ROCK2: variants seen among roughly 807,000 people sequenced by gnomAD.
ROCK2 encodes Rho associated coiled-coil containing protein kinase 2.
ROCK2 carries 61 observed loss-of-function variants against 195.1 expected under a neutral mutation model. The observed-to-expected ratio is 0.31, with a 90% CI of 0.25 to 0.39. The LOEUF is 0.39. ROCK2 is among the 10% of genes least tolerant of loss of function. The pLI, the probability that ROCK2 is intolerant of heterozygous loss-of-function variation, is 1.00. For synonymous variants in ROCK2, 504 were observed against 545.5 expected (o/e 0.92, Z 1.06); for missense variants, 1,109 against 1,637.4 (o/e 0.68, Z 5.57).
At chr2:11,186,105 C>T (rs1037523077) in intron 32 of ROCK2, among the ~76,000 whole-genome samples, 13 of 152,220 alleles carry the variant, frequency 8.5e-5, no homozygotes, top group East Asian at 7.7e-4. Flanking sequence ...AAAATAAACA[C>T]AGCGACTCAA....
chr2:11,279,515 G>C (rs1666931818), intron 3 of ROCK2, among the ~76,000 whole-genome samples: 1 of 152,196 alleles, frequency 6.6e-6, no homozygotes, highest in Non-Finnish European at 1.5e-5. Flanking sequence ...TATCAACAGA[G>C]TGTCAAATTA....
chr2:11,227,635 A>G (rs1159238419), intron 5 of ROCK2, among the ~76,000 whole-genome samples: 1 of 152,236 alleles, frequency 6.6e-6, no homozygotes, highest in Non-Finnish European at 1.5e-5. Context: ...AGGCTTCCTC[A>G]ATGAAAGAAG....
chr2:11,275,693 AT>A (rs1558350455), intron 3 of ROCK2, among the ~76,000 whole-genome samples: 2 of 139,910 alleles, frequency 1.4e-5, no homozygotes, highest in East Asian at 4.2e-4. Flanking sequence ...AAATTCAACA[AT>A]CTTTTTTTTT....
intron 20 of ROCK2, among the ~76,000 whole-genome samples, chr2:11,202,563 T>C (rs1663898594): frequency 6.6e-6 from 1 of 151,962 alleles, no homozygotes; most frequent in African/African-American, 2.4e-5. Context: ...AGTGGTGCGA[T>C]CTGGGCTCAC....
At chr2:11,296,017 A>AGAGGG (rs1558370006) in intron 1 of ROCK2, among the ~76,000 whole-genome samples, 5 of 119,100 alleles carry the variant, frequency 4.2e-5, no homozygotes, top group African/African-American at 9.2e-5. Context: ...AGAGAGAGAG[A>AGAGGG]GAGAGAGAGA....
At chr2:11,193,428 T>C (rs1663508969) in intron 30 of ROCK2, among the ~76,000 whole-genome samples, 1 of 152,138 alleles carries the variant, frequency 6.6e-6, no homozygotes, top group Non-Finnish European at 1.5e-5. Context: ...CTGACTTTTC[T>C]AACTTTCTAG....
rs1467999167 is a variant in ROCK2, at chr2:11,344,326, A to AGCCCG, written c.-195_-191dup. The AGCCCG allele has an allele frequency of 1.6e-4, 184 of 1,166,876 alleles. No homozygotes were observed. Among genetic ancestry groups the AGCCCG allele is most frequent in the South Asian group, 1.2e-3 (27 of 22,578 alleles). The allele number at this position is 1,166,876 out of a possible 1,614,324, so 72.3% of individuals were successfully genotyped here. On this transcript the variant is annotated 5_prime_UTR_variant, in exon 1 of 33. Coordinates refer to ENST00000315872, the MANE Select transcript of ROCK2 (RefSeq NM_004850.5). This position sits in a 1 kb window ranked among gnomAD's most constrained non-coding sequence, Gnocchi z 5.4. ...CTGCTCCCAGGGGCCCGCCCGGCCC[A>AGCCCG]GCCCGGCCCAGCCCGGCCCGGCCCT...
intron 3 of ROCK2, among the ~76,000 whole-genome samples, chr2:11,277,528 T>C (rs934230393): frequency 8.5e-5 from 13 of 152,334 alleles, no homozygotes; most frequent in African/African-American, 2.9e-4. Context: ...ATCATTCTTA[T>C]GCCTTTGCGT....
chr2:11,308,117 G>A (rs1667920924), intron 1 of ROCK2: 8 of 1,611,272 alleles, frequency 5.0e-6, no homozygotes, highest in South Asian at 4.4e-5. Context: ...TGGTGGAGGC[G>A]ATAGACAAGT....
At chr2:11,224,596 A>T (rs538499285) in intron 6 of ROCK2, 136 bp from the exon 7 acceptor site, 2 of 733,912 alleles carry the variant, frequency 2.7e-6, no homozygotes, top group Non-Finnish European at 4.6e-6. Flanking sequence ...ACAGAGTCCC[A>T]GTCAAAACAA....
In ROCK2 at chr2:11,238,207, A is replaced by AGTGTGTGTGTGTGTGT. The variant is rs764814189; in HGVS notation, c.463-2246_463-2245insACACACACACACACAC. 4.4e-4 allele frequency among the ~76,000 whole-genome samples: 16 copies of AGTGTGTGTGTGTGTGT among 36,068 alleles called. No homozygotes were observed. In the East Asian group the frequency reaches 0.027, roughly 62 times the overall value. 23.7% of individuals were successfully genotyped at this position (36,068 alleles called of 152,430 possible). A position where few individuals can be genotyped will look rare whatever the true frequency, so the allele number is the denominator to read the frequency against. ...ATAAGGCTGGTTACCAAATTGAGAA[A>AGTGTGTGTGTGTGTGT]GAGTGTGTGTGTGTGTGTGTGTGTG... is the stretch of plus-strand genomic sequence containing the variant. On this transcript the variant is annotated intron_variant, in intron 4 of 32. Coordinates refer to ENST00000315872, the MANE Select transcript of ROCK2 (RefSeq NM_004850.5).
At position 11,183,467 on chromosome 2, in the gene ROCK2, G is replaced by GT. The variant is rs1351702092; in HGVS notation, c.4164-28dup. 5 of 1,533,886 alleles carry GT rather than the reference G, an allele frequency of 3.3e-6. No homozygotes were observed. In the African/African-American group the frequency reaches 4.1e-5, roughly 13 times the overall value. On this transcript the variant is annotated intron_variant, in intron 32 of 32. Transcript: ENST00000315872. Reference sequence around the variant, plus strand: ...TGAAAAGAAAGGAAAAATAAAGTTAGTTGATACAGTGAAATAATTTAAGAG... The same window carrying GT: ...TGAAAAGAAAGGAAAAATAAAGTTAGTTTGATACAGTGAAATAATTTAAGAG...
At chr2:11,212,462 C>T (rs936538203) in intron 17 of ROCK2, among the ~76,000 whole-genome samples, 1 of 151,908 alleles carries the variant, frequency 6.6e-6, no homozygotes, top group African/African-American at 2.4e-5. Flanking sequence ...ACTCACTGCC[C>T]CCCTTAAAAC....
intron 18 of ROCK2, among the ~76,000 whole-genome samples, chr2:11,209,769 A>G (rs1664184247): frequency 6.6e-6 from 1 of 152,186 alleles, no homozygotes; most frequent in Admixed American, 6.5e-5. Flanking sequence ...ATCATCTATT[A>G]TAAAGTTGTA....
chr2:11,232,124 A>G (rs1319825120), intron 5 of ROCK2, among the ~76,000 whole-genome samples: 5 of 136,868 alleles, frequency 3.7e-5, no homozygotes, highest in Non-Finnish European at 6.6e-5. Context: ...AAAACTATGG[A>G]CATTTCTTTT....
intron 1 of ROCK2, among the ~76,000 whole-genome samples, chr2:11,333,660 A>G (rs1263668387): frequency 6.6e-6 from 1 of 152,194 alleles, no homozygotes; most frequent in Non-Finnish European, 1.5e-5. Flanking sequence ...CCTGTCAAAA[A>G]AATCTCATGC....
intron 1 of ROCK2, among the ~76,000 whole-genome samples, chr2:11,318,862 T>G (rs560942796): frequency 6.6e-6 from 1 of 152,354 alleles, no homozygotes; most frequent in South Asian, 2.1e-4. Context: ...GAATAGGGAA[T>G]CCCTTCCCCA....
At chr2:11,209,298 G>A (rs1664169382) in intron 18 of ROCK2, among the ~76,000 whole-genome samples, 1 of 152,262 alleles carries the variant, frequency 6.6e-6, no homozygotes, top group African/African-American at 2.4e-5. Flanking sequence ...CACCTCTCTG[G>A]ACCTGTTTCC....
intron 1 of ROCK2, among the ~76,000 whole-genome samples, chr2:11,310,033 A>G (rs1206593362): frequency 6.6e-6 from 1 of 152,250 alleles, no homozygotes; most frequent in African/African-American, 2.4e-5. Flanking sequence ...TTTCTTTGAG[A>G]GATTTCTATG....
Sources: allele counts gnomAD v4.1 joint callset (sites outside exome capture counted in the v4.1 genomes callset), GRCh38; gene constraint gnomAD v4.1.1; non-coding constraint Gnocchi (gnomAD v3.1); transcripts MANE v1.5; gene names NCBI Gene and HGNC (gene_info 2026-07-23, HGNC 2026-07-21).